SAMD5: variants seen among roughly 807,000 people sequenced by gnomAD.
SAMD5 encodes the protein sterile alpha motif domain-containing protein 5.
In SAMD5, 13 loss-of-function variants were observed where a neutral mutation model predicts 11.3. The ratio of observed to expected loss-of-function variants is 1.15; its 90% CI spans 0.75 to 1.83. The LOEUF (loss-of-function observed/expected upper bound fraction) is 1.83, where lower values mean the gene tolerates loss of function less well. SAMD5 is among the 40% of genes most tolerant of loss of function. The probability of loss-of-function intolerance (pLI) is 0.00; values close to 1 mark genes in which losing one functional copy is unlikely to be tolerated. For missense variants in SAMD5, 255 were observed against 239.1 expected (o/e 1.07, Z -0.44); for synonymous variants, 129 against 111.3 (o/e 1.16, Z -1.00).
intron 1 of SAMD5, among the ~76,000 whole-genome samples, chr6:147,673,217 A>ATTT: frequency 6.9e-6 from 1 of 144,666 alleles, no homozygotes; most frequent in East Asian, 2.0e-4. Context: ...AGCAAAAACC[A>ATTT]TTTTTTTTTT....
chr6:147,540,933 GTTTTTTTTTTTTT>G (rs1187718649), intron 1 of SAMD5, among the ~76,000 whole-genome samples: 5 of 64,156 alleles, frequency 7.8e-5, no homozygotes, highest in Non-Finnish European at 1.2e-4. Context: ...CAAGCCACGC[GTTTTTTTTTTTTT>G]TTTTTTTTTT....
At chr6:147,884,168 G>A in the SAMD5 span, among the ~76,000 whole-genome samples, 1 of 152,164 alleles carries the variant, frequency 6.6e-6, no homozygotes, top group Non-Finnish European at 1.5e-5. Flanking sequence ...CTGAGGCTCT[G>A]GAAGAGTACA....
intron 1 of SAMD5, among the ~76,000 whole-genome samples, chr6:147,600,012 G>A (rs1019097102): frequency 3.3e-5 from 5 of 152,190 alleles, no homozygotes; most frequent in East Asian, 3.9e-4. Context: ...GGGACCAGTC[G>A]TGGTCACCCC....
chr6:147,543,142 A>G (rs920717187), intron 1 of SAMD5, among the ~76,000 whole-genome samples: 3 of 152,100 alleles, frequency 2.0e-5, no homozygotes, highest in Admixed American at 6.6e-5. Context: ...AAGCCACTGA[A>G]CCTATATCTG....
chr6:147,683,000 A>C (rs752771023), intron 1 of SAMD5, among the ~76,000 whole-genome samples: 13 of 152,198 alleles, frequency 8.5e-5, no homozygotes, highest in Non-Finnish European at 1.6e-4. Flanking sequence ...TTCAGATGAC[A>C]AGTAACCGTG....
chr6:147,712,263 C>T (rs1197709509), intron 1 of SAMD5, among the ~76,000 whole-genome samples: 4 of 152,108 alleles, frequency 2.6e-5, no homozygotes, highest in African/African-American at 4.8e-5. Flanking sequence ...GTTAACCTCC[C>T]ACTTCTGTGC....
the SAMD5 span, among the ~76,000 whole-genome samples, chr6:147,831,882 A>G: frequency 5.9e-5 from 9 of 152,166 alleles, no homozygotes; most frequent in Admixed American, 3.9e-4. Flanking sequence ...GATTTGGTAG[A>G]ATATCTGGCT....
chr6:147,709,289 A>G (rs1174767562), intron 1 of SAMD5, among the ~76,000 whole-genome samples: 1 of 152,248 alleles, frequency 6.6e-6, no homozygotes, highest in Non-Finnish European at 1.5e-5. Context: ...TTAAGATATT[A>G]GGATTCTCTA....
At chr6:147,557,279 T>C (rs887949595) in intron 1 of SAMD5, among the ~76,000 whole-genome samples, 9 of 152,208 alleles carry the variant, frequency 5.9e-5, no homozygotes, top group Admixed American at 5.2e-4. Flanking sequence ...TTAAAAAACA[T>C]TTCTAATAAC....
chr6:147,915,101 A>G, the SAMD5 span, among the ~76,000 whole-genome samples: 1 of 152,212 alleles, frequency 6.6e-6, no homozygotes, highest in East Asian at 1.9e-4. Context: ...GAGTCAATTG[A>G]TGAAATTGGA....
the SAMD5 span, among the ~76,000 whole-genome samples, chr6:147,925,494 T>TC: frequency 6.6e-6 from 1 of 152,018 alleles, no homozygotes; most frequent in African/African-American, 2.4e-5. Context: ...AATAGAATTT[T>TC]TTTTTTTTAA....
At chr6:147,930,221 T>C in the SAMD5 span, among the ~76,000 whole-genome samples, 1 of 152,172 alleles carries the variant, frequency 6.6e-6, no homozygotes, top group African/African-American at 2.4e-5. Flanking sequence ...CTCCTCTGCA[T>C]GGCCTTTCCT....
intron 1 of SAMD5, among the ~76,000 whole-genome samples, chr6:147,653,025 A>G (rs1374632166): frequency 1.3e-5 from 2 of 151,988 alleles, no homozygotes; most frequent in African/African-American, 4.8e-5. Context: ...TTAAGTACAT[A>G]CTCTACCATA....
intron 1 of SAMD5, among the ~76,000 whole-genome samples, chr6:147,726,751 C>A (rs150553049): frequency 4.9e-4 from 74 of 152,342 alleles, no homozygotes; most frequent in Middle Eastern, 3.4e-3. Context: ...GGGATAATAG[C>A]AGTACATGTG....
intron 1 of SAMD5, among the ~76,000 whole-genome samples, chr6:147,581,363 T>G (rs1353068747): frequency 6.6e-6 from 1 of 152,196 alleles, no homozygotes; most frequent in African/African-American, 2.4e-5. Flanking sequence ...TGGAGAAAGA[T>G]CTGTCCTGGA....
At chr6:147,899,189 A>AAAAAAAAAAG in the SAMD5 span, among the ~76,000 whole-genome samples, 5,347 of 122,276 alleles carry the variant, frequency 0.044, 425 homozygotes, top group African/African-American at 0.059. Flanking sequence ...AAAAAAAAAA[A>AAAAAAAAAAG]AAAAGATAAC....
intron 1 of SAMD5, among the ~76,000 whole-genome samples, chr6:147,700,295 T>G (rs752445254): frequency 8.5e-5 from 13 of 152,230 alleles, no homozygotes; most frequent in Non-Finnish European, 4.4e-5. Flanking sequence ...TCTAGACTAA[T>G]CTGCCTCTTT....
chr6:147,770,324 C>G, the SAMD5 span, among the ~76,000 whole-genome samples: 20 of 152,122 alleles, frequency 1.3e-4, no homozygotes, highest in African/African-American at 4.1e-4. Context: ...CACCTTTCCA[C>G]GTAGGGAAAG....
chr6:147,760,940 C>T, the SAMD5 span, among the ~76,000 whole-genome samples: 9 of 152,200 alleles, frequency 5.9e-5, no homozygotes, highest in East Asian at 7.7e-4. Flanking sequence ...TAAATTACTT[C>T]GAATTCAAAT....
Sources: gnomAD v4.1 joint callset for allele counts (sites outside exome capture counted in the v4.1 genomes callset) on GRCh38, gnomAD v4.1.1 for gene constraint, MANE v1.5 for transcripts, NCBI Gene and HGNC (gene_info 2026-07-23, HGNC 2026-07-21) for gene names.